Variants in FGF10 observed in about 807,000 individuals in gnomAD.
FGF10 encodes the protein fibroblast growth factor 10, also known as FGF-10.
Under a neutral mutation model 19.8 loss-of-function variants are expected in FGF10, and 2 were observed. That is an observed-to-expected ratio of 0.10 (90% confidence interval 0.04 to 0.32). FGF10 has a LOEUF of 0.32. FGF10 is among the 10% of genes least tolerant of loss of function. The pLI is 1.00. For missense variants in FGF10, 191 were observed against 246.3 expected (o/e 0.78, Z 1.50); for synonymous variants, 112 against 94.0 (o/e 1.19, Z -1.10).
intron 1 of FGF10, among the ~76,000 whole-genome samples, chr5:44,336,356 T>A (rs2111774848): frequency 6.6e-6 from 1 of 152,312 alleles, no homozygotes; most frequent in Non-Finnish European, 1.5e-5. Context: ...AGTTTATATA[T>A]TTTATTCTCG....
intron 1 of FGF10, among the ~76,000 whole-genome samples, chr5:44,372,009 G>T (rs1474346047): frequency 6.6e-6 from 1 of 152,130 alleles, no homozygotes; most frequent in African/African-American, 2.4e-5. Flanking sequence ...AGTTGTCTTA[G>T]ATTCCTGTAT....
intron 1 of FGF10, among the ~76,000 whole-genome samples, chr5:44,326,267 G>T (rs1323752044): frequency 6.6e-6 from 1 of 152,234 alleles, no homozygotes; most frequent in East Asian, 1.9e-4. Context: ...GTTTAGAGGA[G>T]AAATGTTTAG....
At chr5:44,310,296 G>A in intron 2 of FGF10, 131 bp downstream of exon 2, 1 of 683,556 alleles carries the variant, frequency 1.5e-6, no homozygotes, top group Non-Finnish European at 2.7e-6. Flanking sequence ...AAACAGTGGT[G>A]ACTAACCCAC....
intron 1 of FGF10, among the ~76,000 whole-genome samples, chr5:44,370,824 A>G (rs916316931): frequency 6.6e-6 from 1 of 152,176 alleles, no homozygotes; most frequent in African/African-American, 2.4e-5. Flanking sequence ...AGATGTTAAT[A>G]AATTTTAGGA....
intron 1 of FGF10, among the ~76,000 whole-genome samples, chr5:44,318,553 G>A (rs372126492): frequency 1.3e-5 from 2 of 151,956 alleles, no homozygotes; most frequent in East Asian, 1.9e-4. Context: ...GTGTCTTCTC[G>A]CGAGCATTGG....
In FGF10 at chr5:44,304,029, CTTCTGGTCTAT is replaced by C. The variant is rs1309720584; in HGVS notation, c.*955_*965del. Reference sequence around the variant, plus strand: ...ATGTATTGAAAGAGAAGAATTTGGCCTTCTGGTCTATTTCTTGAGACAGGAAGCCTCGAGAG... The same window carrying C: ...ATGTATTGAAAGAGAAGAATTTGGCCTTCTTGAGACAGGAAGCCTCGAGAG... On this transcript the variant is annotated 3_prime_UTR_variant, in exon 3 of 3. Coordinates refer to ENST00000264664, the MANE Select transcript of FGF10 (RefSeq NM_004465.2). The C allele has an allele frequency of 6.6e-6, 1 of 151,998 alleles. No homozygotes were observed. The allele number at this position is 151,998 out of a possible 1,614,324, so 9.4% of individuals were successfully genotyped here.
chr5:44,388,639 T>G lies in FGF10; in HGVS notation c.44A>C (p.His15Pro), dbSNP rs1579952227. ...ILTHCASAFPHLPGCCCCCFL... is the reference protein window; with the variant it reads ...ILTHCASAFPPLPGCCCCCFL... Reference sequence around the variant, plus strand: ...GCAGCAGCAGCAGCAGCCGGGCAGGTGGGGAAAGGCTGAGGCACAATGTGT... The same window carrying G: ...GCAGCAGCAGCAGCAGCCGGGCAGGGGGGGAAAGGCTGAGGCACAATGTGT... Residue 15 changes from histidine to proline, a missense_variant, in exon 1 of 3, where the codon CAC becomes CCC. His to Pro is a moderately conservative substitution (Grantham distance 77). Around this residue, in one of 2 missense-constraint regions of FGF10, gnomAD observed 92 missense variants for 84.6 expected, o/e 1.09. Coordinates refer to ENST00000264664, the MANE Select transcript of FGF10 (RefSeq NM_004465.2). 2.5e-6 allele frequency: 4 copies of G among 1,612,678 alleles called. No homozygotes were observed. Among genetic ancestry groups the G allele is most frequent in the Non-Finnish European group, 3.4e-6 (4 of 1,179,586 alleles).
intron 1 of FGF10, among the ~76,000 whole-genome samples, chr5:44,311,930 C>T (rs1318193274): frequency 6.6e-6 from 1 of 152,048 alleles, no homozygotes; most frequent in Non-Finnish European, 1.5e-5. Flanking sequence ...CACAGGTTAG[C>T]CTTATGGAGG....
chr5:44,301,182 TAATC>T lies in FGF10; in HGVS notation c.*3809_*3812del, dbSNP rs1431608017. 1.3e-5 allele frequency among the ~76,000 whole-genome samples: 2 copies of T among 152,276 alleles called. No individual in the cohort carries two copies. The highest frequency in any genetic ancestry group is 1.3e-4 in the Admixed American group (2 of 15,278). On this transcript the variant is annotated 3_prime_UTR_variant, in exon 3 of 3. Coordinates refer to ENST00000264664, the MANE Select transcript of FGF10 (RefSeq NM_004465.2). ...GCTTCATGAAATAAACAAGAACTCT[TAATC>T]AATATGGTATCTGTTTGCATGTATA... is the stretch of plus-strand genomic sequence containing the variant.
chr5:44,337,215 T>C (rs1445672134), intron 1 of FGF10, among the ~76,000 whole-genome samples: 1 of 151,996 alleles, frequency 6.6e-6, no homozygotes, highest in East Asian at 1.9e-4. Flanking sequence ...ACTCTGATAC[T>C]GAAATATTAA....
chr5:44,346,366 T>A (rs897976488), intron 1 of FGF10, among the ~76,000 whole-genome samples: 3 of 151,888 alleles, frequency 2.0e-5, no homozygotes, highest in Non-Finnish European at 4.4e-5. Context: ...TAAAATTATA[T>A]CATGTTTTTC....
chr5:44,308,522 C>T (rs941744408), intron 2 of FGF10, among the ~76,000 whole-genome samples: 3 of 152,030 alleles, frequency 2.0e-5, no homozygotes, highest in African/African-American at 7.2e-5. Context: ...TATAGTAGAT[C>T]AAGGAAGAAC....
chr5:44,383,483 T>C (rs1362103300), intron 1 of FGF10, among the ~76,000 whole-genome samples: 1 of 152,110 alleles, frequency 6.6e-6, no homozygotes, highest in Non-Finnish European at 1.5e-5. Flanking sequence ...AATAGGTTAC[T>C]GAAATATCCA....
chr5:44,346,966 A>T (rs971048823), intron 1 of FGF10, among the ~76,000 whole-genome samples: 3 of 151,836 alleles, frequency 2.0e-5, no homozygotes, highest in African/African-American at 7.2e-5. Context: ...ATTATAAATT[A>T]TAAATTTCAA....
intron 1 of FGF10, among the ~76,000 whole-genome samples, chr5:44,370,022 C>A (rs926574688): frequency 6.6e-6 from 1 of 151,996 alleles, no homozygotes; most frequent in African/African-American, 2.4e-5. Flanking sequence ...TATTTGCCCC[C>A]CTCCTCCACC....
chr5:44,310,649 A>C (rs1740191370), intron 1 of FGF10, 119 bp from the exon 2 acceptor site: 2 of 699,814 alleles, frequency 2.9e-6, no homozygotes, highest in Admixed American at 4.6e-5. Context: ...AAAGGCACAA[A>C]ACATTGGTAA....
chr5:44,316,660 TAC>T (rs930534683), intron 1 of FGF10, among the ~76,000 whole-genome samples: 5 of 152,146 alleles, frequency 3.3e-5, no homozygotes, highest in African/African-American at 1.2e-4. Context: ...CAGACAGGAA[TAC>T]ACACAAGTAA....
chr5:44,314,187 A>G (rs1293618552), intron 1 of FGF10, among the ~76,000 whole-genome samples: 1 of 152,096 alleles, frequency 6.6e-6, no homozygotes. Context: ...TTCAAATATC[A>G]TAAGAGGTTT....
intron 1 of FGF10, among the ~76,000 whole-genome samples, chr5:44,330,107 T>C (rs113482502): frequency 1.6e-4 from 24 of 152,316 alleles, no homozygotes; most frequent in Non-Finnish European, 3.2e-4. Flanking sequence ...TCAAAAACAG[T>C]AAGTTGTCTA....
Sources: allele counts gnomAD v4.1 joint callset (sites outside exome capture counted in the v4.1 genomes callset), GRCh38; gene constraint gnomAD v4.1.1; regional missense constraint gnomAD v4.1.1; transcripts MANE v1.5; gene names NCBI Gene and HGNC (gene_info 2026-07-23, HGNC 2026-07-21).